The following DACH2 variants were observed in gnomAD, a reference collection of about 807,000 sequenced individuals.
The protein encoded by DACH2 is dachshund homolog 2.
DACH2 carries 17 observed loss-of-function variants against 35.8 expected under a neutral mutation model. The observed-to-expected ratio is 0.48, with a 90% CI of 0.33 to 0.71. The LOEUF (loss-of-function observed/expected upper bound fraction) is 0.71. Ranked by LOEUF, DACH2 falls within the 30% of genes least tolerant of loss-of-function variation. DACH2 has a pLI of 0.02. For missense variants in DACH2, 469 were observed against 472.7 expected, an observed-to-expected ratio of 0.99 and a Z score of 0.07; for synonymous variants, 195 against 177.3, an observed-to-expected ratio of 1.10 and a Z score of -0.79.
Position 86,506,687 on chromosome X carries a change from C to T in DACH2, c.528-7592C>T, listed in dbSNP as rs149525344. Among the ~76,000 whole-genome samples the T allele has an allele frequency of 4.7e-3, 526 of 111,973 alleles. 5 individuals are homozygous for T. Among genetic ancestry groups the T allele is most frequent in the African/African-American group, 0.015 (472 of 30,875 alleles). On this transcript the variant is annotated intron_variant, in intron 2 of 11. Transcript: ENST00000373125. The stretch of plus-strand genomic sequence containing the variant: ...TGGGTTATAGGCATGAACCACCACA[C>T]CTGGCTCTCCTCTCCACTTTTAAAG...
At chrX:86,305,190 C>T (rs780991654) in intron 1 of DACH2, 3 of 121,499 alleles carry the variant, frequency 2.5e-5, no homozygotes, top group African/African-American at 9.8e-5. Context: ...CTGTACAATT[C>T]TCATGGAAAG....
chrX:86,653,607 A>G (rs886416200), intron 4 of DACH2, among the ~76,000 whole-genome samples: 1 of 110,922 alleles, frequency 9.0e-6, no homozygotes, highest in African/African-American at 3.3e-5. Context: ...TGCTTGTCTG[A>G]AAAGGATCTT....
At chrX:86,340,946 G>A (rs1031916507) in intron 1 of DACH2, among the ~76,000 whole-genome samples, 2 of 111,875 alleles carry the variant, frequency 1.8e-5, no homozygotes. Context: ...AGAAAAGTTG[G>A]AAGCTAGCTG....
intron 4 of DACH2, among the ~76,000 whole-genome samples, chrX:86,661,633 GT>G (rs1424963629): frequency 8.9e-6 from 1 of 112,253 alleles, no homozygotes; most frequent in African/African-American, 3.2e-5. Flanking sequence ...TATAAATGAT[GT>G]TGCTATAAAC....
chrX:86,791,395 G>T (rs936981132), intron 7 of DACH2, among the ~76,000 whole-genome samples: 2 of 111,636 alleles, frequency 1.8e-5, no homozygotes, highest in African/African-American at 3.3e-5. Context: ...TGAATTTAGG[G>T]AATATTCATT....
intron 1 of DACH2, among the ~76,000 whole-genome samples, chrX:86,274,484 GTCTT>G (rs1318979792): frequency 5.7e-5 from 1 of 17,409 alleles, no homozygotes; most frequent in Non-Finnish European, 8.3e-5. Context: ...TTGAGACGGA[GTCTT>G]TCTGTTTTTT....
chrX:86,745,904 T>C (rs1463018892), intron 7 of DACH2, among the ~76,000 whole-genome samples: 1 of 111,357 alleles, frequency 9.0e-6, no homozygotes, highest in Non-Finnish European at 1.9e-5. Flanking sequence ...ATCTGTTGTT[T>C]ATTGACTTTT....
intron 3 of DACH2, among the ~76,000 whole-genome samples, chrX:86,530,204 T>A (rs191427424): frequency 0.013 from 1,502 of 111,802 alleles, 39 homozygotes; most frequent in African/African-American, 0.047. Flanking sequence ...TGAAATAATA[T>A]CTCAAAGATC....
chrX:86,655,691 T>A (rs1282610918), intron 4 of DACH2, among the ~76,000 whole-genome samples: 3 of 110,976 alleles, frequency 2.7e-5, no homozygotes, highest in African/African-American at 9.8e-5. Flanking sequence ...ACAAAAAAAA[T>A]CACTGTATTT....
At chrX:86,532,505 T>C (rs1046388966) in intron 3 of DACH2, among the ~76,000 whole-genome samples, 1 of 110,132 alleles carries the variant, frequency 9.1e-6, no homozygotes, top group Admixed American at 9.8e-5. Context: ...TCTCTCTCTC[T>C]TTCTCTCTAT....
intron 2 of DACH2, among the ~76,000 whole-genome samples, chrX:86,456,581 T>C (rs901978709): frequency 9.0e-6 from 1 of 111,706 alleles, no homozygotes; most frequent in African/African-American, 3.2e-5. Flanking sequence ...TACATTGTTA[T>C]TATTTTGCAA....
intron 1 of DACH2, among the ~76,000 whole-genome samples, chrX:86,343,631 C>G (rs749387516): frequency 9.0e-6 from 1 of 111,664 alleles, no homozygotes; most frequent in African/African-American, 3.2e-5. Context: ...TGATAATATC[C>G]TTGGCATTTT....
intron 1 of DACH2, among the ~76,000 whole-genome samples, chrX:86,208,954 G>A (rs995854057): frequency 2.7e-5 from 3 of 111,430 alleles, no homozygotes; most frequent in African/African-American, 9.8e-5. Flanking sequence ...GCCAAACAAA[G>A]CATTTCAGTT....
rs776327276 is a variant in DACH2, at chrX:86,713,477, G to A, written c.932-1071G>A. Among the ~76,000 whole-genome samples, 112 of 111,561 alleles carry A rather than the reference G, an allele frequency of 1.0e-3. 2 individuals are homozygous for A. The highest frequency in any genetic ancestry group is 1.9e-3 in the South Asian group (5 of 2,682). On this transcript the variant is annotated intron_variant, in intron 5 of 11. Transcript: ENST00000373125. ...CGTTATTAATACTTAATACTTGTGC[G>A]CAGAATCAACATAAATGCTGTCCAC...
chrX:86,343,324 A>G (rs2035443777), intron 1 of DACH2, among the ~76,000 whole-genome samples: 1 of 110,859 alleles, frequency 9.0e-6, no homozygotes, highest in South Asian at 3.8e-4. Flanking sequence ...GAGCTGTTTG[A>G]TGTCTTTTCT....
chrX:86,565,644 T>G (rs1484577784), intron 3 of DACH2, among the ~76,000 whole-genome samples: 1 of 111,755 alleles, frequency 8.9e-6, no homozygotes, highest in Admixed American at 9.6e-5. Flanking sequence ...AAATATTTTT[T>G]GAATAAATGA....
intron 3 of DACH2, 33 bp from the exon 4 acceptor site, chrX:86,651,003 T>A (rs1346128279): frequency 9.0e-7 from 1 of 1,116,724 alleles, no homozygotes; most frequent in African/African-American, 1.9e-5. Context: ...TTAATATAAA[T>A]AAATAAATGG....
At chrX:86,171,030 A>G (rs777480503) in intron 1 of DACH2, among the ~76,000 whole-genome samples, 3 of 112,083 alleles carry the variant, frequency 2.7e-5, no homozygotes, top group Admixed American at 1.9e-4. Flanking sequence ...ATATGCATCT[A>G]TCTAAGTGAG....
chrX:86,801,765 C>A (rs941114297), intron 7 of DACH2, among the ~76,000 whole-genome samples: 3 of 111,847 alleles, frequency 2.7e-5, no homozygotes, highest in African/African-American at 9.7e-5. Context: ...AATCTTAATC[C>A]TCTGAAATAT....
Sources: gnomAD v4.1 joint callset for allele counts (sites outside exome capture counted in the v4.1 genomes callset) on GRCh38, gnomAD v4.1.1 for gene constraint, MANE v1.5 for transcripts, NCBI Gene and HGNC (gene_info 2026-07-23, HGNC 2026-07-21) for gene names.